The following ENTREP2 variants were observed in gnomAD, a reference collection of about 807,000 sequenced individuals.
ENTREP2 encodes the protein endosomal transmembrane epsin interactor 2, also known as protein ENTREP2.
At chr15:29,252,234 A>G in the ENTREP2 span, 1 of 532,704 alleles carries the variant, frequency 1.9e-6, no homozygotes, top group Non-Finnish European at 3.3e-6. Context: ...TAAATACCCT[A>G]AACTAGAAAA....
At chr15:29,648,957 A>C in the ENTREP2 span, among the ~76,000 whole-genome samples, 40 of 147,948 alleles carry the variant, frequency 2.7e-4, 1 homozygote, top group African/African-American at 8.5e-4. Context: ...ACAACAACAA[A>C]AAAAACTGTA....
At chr15:29,196,468 G>T in the ENTREP2 span, 112 of 1,551,618 alleles carry the variant, frequency 7.2e-5, no homozygotes, top group Non-Finnish European at 9.3e-5. Context: ...TTCTCCTGCA[G>T]CGGGTTCAGC....
At chr15:29,619,410 T>G in the ENTREP2 span, among the ~76,000 whole-genome samples, 1 of 151,482 alleles carries the variant, frequency 6.6e-6, no homozygotes. Flanking sequence ...AATAAATAAA[T>G]AAGTCACAAC....
At chr15:29,587,746 G>A in the ENTREP2 span, among the ~76,000 whole-genome samples, 1 of 152,102 alleles carries the variant, frequency 6.6e-6, no homozygotes, top group African/African-American at 2.4e-5. Context: ...TGCAACCTCT[G>A]CCGCCTGGTT....
chr15:29,563,253 CTTTG>C, the ENTREP2 span, among the ~76,000 whole-genome samples: 6 of 152,236 alleles, frequency 3.9e-5, no homozygotes, highest in East Asian at 1.9e-4. Flanking sequence ...TATTCTATTG[CTTTG>C]TTTTTCTGTC....
At chr15:29,295,041 G>A in the ENTREP2 span, among the ~76,000 whole-genome samples, 5 of 152,206 alleles carry the variant, frequency 3.3e-5, no homozygotes, top group Admixed American at 2.6e-4. Context: ...AGACCATCGG[G>A]AGGGAGAAAA....
the ENTREP2 span, among the ~76,000 whole-genome samples, chr15:29,580,002 G>A: frequency 3.9e-5 from 6 of 151,900 alleles, no homozygotes; most frequent in East Asian, 3.9e-4. Flanking sequence ...GAGCCACCGC[G>A]CCCGGCCAAT....
chr15:29,544,604 C>G, the ENTREP2 span, among the ~76,000 whole-genome samples: 1 of 152,146 alleles, frequency 6.6e-6, no homozygotes, highest in Non-Finnish European at 1.5e-5. Context: ...CAGGAAAAAG[C>G]TGCTCCAAAG....
chr15:29,607,900 T>C, the ENTREP2 span, among the ~76,000 whole-genome samples: 50,391 of 151,734 alleles, frequency 0.33, 9,902 homozygotes, highest in African/African-American at 0.55. Context: ...TATTAAATTA[T>C]ATGGTCACAA....
At chr15:29,229,003 G>A in the ENTREP2 span, among the ~76,000 whole-genome samples, 9 of 151,710 alleles carry the variant, frequency 5.9e-5, no homozygotes, top group African/African-American at 2.2e-4. Context: ...TTTTGTCCTT[G>A]GTAATACTTC....
the ENTREP2 span, among the ~76,000 whole-genome samples, chr15:29,133,108 C>T: frequency 6.6e-6 from 1 of 152,170 alleles, no homozygotes; most frequent in East Asian, 1.9e-4. Context: ...CGGTCAGCCT[C>T]CCCTCTGCCT....
At chr15:29,609,664 A>C in the ENTREP2 span, 16 of 150,142 alleles carry the variant, frequency 1.1e-4, no homozygotes, top group African/African-American at 3.9e-4. Context: ...TTACTAATTA[A>C]TACTCAATCT....
At chr15:29,480,543 GAA>G in the ENTREP2 span, among the ~76,000 whole-genome samples, 1 of 151,916 alleles carries the variant, frequency 6.6e-6, no homozygotes, top group Admixed American at 6.6e-5. Context: ...GTGATGCAAA[GAA>G]AAAGAGCCGG....
At chr15:29,538,942 T>C in the ENTREP2 span, among the ~76,000 whole-genome samples, 1 of 152,216 alleles carries the variant, frequency 6.6e-6, no homozygotes, top group Admixed American at 6.5e-5. Flanking sequence ...TTTGCATCCA[T>C]GTATATTAGC....
the ENTREP2 span, among the ~76,000 whole-genome samples, chr15:29,132,812 T>C: frequency 0.95 from 144,349 of 152,222 alleles, 68,927 homozygotes; most frequent in East Asian, 1. Context: ...GAAGCCAGGG[T>C]CTGGGCTCCA....
At chr15:29,323,743 T>C in the ENTREP2 span, among the ~76,000 whole-genome samples, 2 of 152,102 alleles carry the variant, frequency 1.3e-5, no homozygotes, top group Admixed American at 1.3e-4. Flanking sequence ...AATAAGCATC[T>C]GGTGGCCACT....
chr15:29,653,469 G>A, the ENTREP2 span, among the ~76,000 whole-genome samples: 2 of 152,102 alleles, frequency 1.3e-5, no homozygotes, highest in Non-Finnish European at 2.9e-5. Flanking sequence ...ACACATCAAG[G>A]GAGAGACCAG....
the ENTREP2 span, among the ~76,000 whole-genome samples, chr15:29,272,758 G>A: frequency 6.6e-6 from 1 of 152,170 alleles, no homozygotes; most frequent in South Asian, 2.1e-4. Flanking sequence ...TGCACTTCAT[G>A]TCTCTCCCTG....
chr15:29,144,458 G>C, the ENTREP2 span, among the ~76,000 whole-genome samples: 2 of 152,298 alleles, frequency 1.3e-5, no homozygotes, highest in East Asian at 3.9e-4. Context: ...GCCGCGCATG[G>C]TAGCTCATGC....
Sources: allele counts gnomAD v4.1 joint callset (sites outside exome capture counted in the v4.1 genomes callset), GRCh38; gene constraint gnomAD v4.1.1; transcripts MANE v1.5; gene names NCBI Gene and HGNC (gene_info 2026-07-23, HGNC 2026-07-21).